SLC10A7: variants seen among roughly 807,000 people sequenced by gnomAD.
The protein encoded by SLC10A7 is solute carrier family 10 member 7.
SLC10A7 carries 29 observed loss-of-function variants against 43.2 expected under a neutral mutation model. The ratio of observed to expected loss-of-function variants is 0.67; its 90% CI spans 0.50 to 0.92. SLC10A7 has a LOEUF of 0.92. Among genes scored for constraint, SLC10A7 ranks in the 40% least tolerant of loss-of-function variants. SLC10A7 has a pLI of 0.00. For missense variants in SLC10A7, 295 were observed against 403.2 expected (o/e 0.73, Z 2.30); for synonymous variants, 152 against 144.8 (o/e 1.05, Z -0.35).
intron 10 of SLC10A7, among the ~76,000 whole-genome samples, chr4:146,262,616 T>C (rs1728299605): frequency 6.6e-6 from 1 of 152,214 alleles, no homozygotes; most frequent in South Asian, 2.1e-4. Flanking sequence ...TTTATTCAAT[T>C]AGAACTCATG....
intron 5 of SLC10A7, among the ~76,000 whole-genome samples, chr4:146,347,684 A>T (rs1238426431): frequency 6.6e-6 from 1 of 152,200 alleles, no homozygotes; most frequent in African/African-American, 2.4e-5. Context: ...TCAAAGACTA[A>T]AAACCCTCAC....
At chr4:146,521,515 A>G in intron 1 of SLC10A7, 103 bp downstream of exon 1, 1 of 933,708 alleles carries the variant, frequency 1.1e-6, no homozygotes, top group Non-Finnish European at 1.7e-6. Context: ...TGCCCCCTGA[A>G]ATTGGCAAGC....
chr4:146,349,514 C>T (rs901742484), intron 5 of SLC10A7, among the ~76,000 whole-genome samples: 1 of 152,144 alleles, frequency 6.6e-6, no homozygotes, highest in African/African-American at 2.4e-5. Context: ...ACTGGGCATA[C>T]ATCCAAAAGA....
rs764074030 is a variant in SLC10A7 at position 146,508,260 on chromosome 4, C to CAT, written c.320+1651_320+1652dup. Among the ~76,000 whole-genome samples the CAT allele has an allele frequency of 7.6e-4, 115 of 152,082 alleles. 1 individual carries two copies. The highest frequency in any genetic ancestry group is 3.4e-3 in the Middle Eastern group (1 of 294). Reference sequence around the variant, plus strand: ...CCCCATTTTAGTGATTACTAGGAGGCATACATATATATGTCCTTTATAACC... The same window carrying CAT: ...CCCCATTTTAGTGATTACTAGGAGGCATATACATATATATGTCCTTTATAACC... On this transcript the variant is annotated intron_variant, in intron 3 of 11. Coordinates refer to ENST00000335472, the MANE Select transcript of SLC10A7 (RefSeq NM_001029998.6).
At chr4:146,507,731 C>A (rs968469182) in intron 3 of SLC10A7, among the ~76,000 whole-genome samples, 18 of 152,152 alleles carry the variant, frequency 1.2e-4, no homozygotes, top group African/African-American at 4.1e-4. Flanking sequence ...CTTTACTATG[C>A]AAGGTAAGGA....
chr4:146,412,476 TG>T (rs1728267330), intron 5 of SLC10A7, among the ~76,000 whole-genome samples: 1 of 152,164 alleles, frequency 6.6e-6, no homozygotes, highest in African/African-American at 2.4e-5. Flanking sequence ...TGTTATAGTT[TG>T]TTATTAAAAT....
chr4:146,319,662 A>G (rs947818103), intron 6 of SLC10A7, among the ~76,000 whole-genome samples: 2 of 152,072 alleles, frequency 1.3e-5, no homozygotes, highest in African/African-American at 4.8e-5. Context: ...TGAGTAATGA[A>G]TAAGTTTAAA....
chr4:146,449,930 A>C lies in SLC10A7; in HGVS notation c.397-7109T>G, dbSNP rs145935991. On this transcript the variant is annotated intron_variant, in intron 4 of 11. Coordinates refer to ENST00000335472, the MANE Select transcript of SLC10A7 (RefSeq NM_001029998.6). The stretch of plus-strand genomic sequence containing the variant: ...AAGATATGACTATTTTTGTAATCAA[A>C]AGTGACCAGAAAACCATGAGATTGA... Among the ~76,000 whole-genome samples, 43 of 152,270 alleles carry C rather than the reference A, an allele frequency of 2.8e-4. No homozygotes were observed. The East Asian group carries it at 6.9e-3, about 25-fold the overall frequency.
chr4:146,352,099 T>A (rs949804168), intron 5 of SLC10A7, among the ~76,000 whole-genome samples: 20 of 105,204 alleles, frequency 1.9e-4, no homozygotes, highest in Non-Finnish European at 3.5e-4. Flanking sequence ...GCAAGTTGGA[T>A]AAAGAGTCAA....
chr4:146,390,407 C>T (rs1249010879), intron 5 of SLC10A7, among the ~76,000 whole-genome samples: 1 of 152,072 alleles, frequency 6.6e-6, no homozygotes, highest in Non-Finnish European at 1.5e-5. Context: ...GGCGGTCAGA[C>T]TGCTTGAGCT....
chr4:146,446,550 C>T (rs1475692955), intron 4 of SLC10A7, among the ~76,000 whole-genome samples: 2 of 147,812 alleles, frequency 1.4e-5, no homozygotes, highest in South Asian at 2.2e-4. Context: ...CATTCCAGCC[C>T]GGGTGACGGA....
intron 10 of SLC10A7, among the ~76,000 whole-genome samples, chr4:146,272,469 A>G (rs867668581): frequency 1.3e-5 from 2 of 152,192 alleles, no homozygotes; most frequent in South Asian, 2.1e-4. Flanking sequence ...AAATGGGGAC[A>G]TACAAGGGGA....
chr4:146,351,702 C>T (rs1280972894), intron 5 of SLC10A7, among the ~76,000 whole-genome samples: 1 of 150,936 alleles, frequency 6.6e-6, no homozygotes, highest in African/African-American at 2.5e-5. Context: ...AGAAACCCTA[C>T]AAGCCAGAAG....
chr4:146,372,498 C>T (rs1288333653), intron 5 of SLC10A7, among the ~76,000 whole-genome samples: 1 of 149,274 alleles, frequency 6.7e-6, no homozygotes, highest in Non-Finnish European at 1.5e-5. Flanking sequence ...TTCTGATGAA[C>T]AGCCCAATTT....
At chr4:146,496,980 G>A (rs189625460) in intron 4 of SLC10A7, among the ~76,000 whole-genome samples, 33 of 152,230 alleles carry the variant, frequency 2.2e-4, no homozygotes, top group Non-Finnish European at 3.8e-4. Flanking sequence ...GCTGAATGGT[G>A]GACATAGAAG....
chr4:146,261,426 C>G (rs941999596), intron 10 of SLC10A7, among the ~76,000 whole-genome samples: 1 of 152,212 alleles, frequency 6.6e-6, no homozygotes, highest in Non-Finnish European at 1.5e-5. Context: ...CTTTGCCCCC[C>G]CAGCTCCAGC....
chr4:146,288,175 AT>A (rs1730160550), intron 9 of SLC10A7, among the ~76,000 whole-genome samples: 1 of 152,204 alleles, frequency 6.6e-6, no homozygotes, highest in Admixed American at 6.5e-5. Context: ...AAAAGGGAAC[AT>A]TTAAGGTTAA....
At chr4:146,262,434 C>G (rs967224823) in intron 10 of SLC10A7, among the ~76,000 whole-genome samples, 2 of 152,204 alleles carry the variant, frequency 1.3e-5, no homozygotes, top group African/African-American at 4.8e-5. Context: ...CTGCTAAAAG[C>G]CACTGCACTT....
intron 5 of SLC10A7, among the ~76,000 whole-genome samples, chr4:146,435,510 G>A (rs1730139989): frequency 6.6e-6 from 1 of 152,046 alleles, no homozygotes; most frequent in African/African-American, 2.4e-5. Flanking sequence ...ACACAATTAG[G>A]ACTTGATATT....
Sources: gnomAD v4.1 joint callset for allele counts (sites outside exome capture counted in the v4.1 genomes callset) on GRCh38, gnomAD v4.1.1 for gene constraint, MANE v1.5 for transcripts, NCBI Gene and HGNC (gene_info 2026-07-23, HGNC 2026-07-21) for gene names.